KL: variants seen among roughly 807,000 people sequenced by gnomAD.
KL encodes the protein alpha-klotho.
KL carries 62 observed loss-of-function variants against 84.2 expected under a neutral mutation model. The ratio of observed to expected loss-of-function variants is 0.74; its 90% CI spans 0.60 to 0.91. The LOEUF (loss-of-function observed/expected upper bound fraction) is 0.91. Among genes scored for constraint, KL ranks in the 40% least tolerant of loss-of-function variants. The pLI is 0.00. For synonymous variants in KL, 528 were observed against 528.0 expected, an observed-to-expected ratio of 1.00 and a Z score of 0.00; for missense variants, 1,261 against 1,305.7, an observed-to-expected ratio of 0.97 and a Z score of 0.53.
intron 1 of KL, among the ~76,000 whole-genome samples, chr13:33,038,256 C>T (rs1413597698): frequency 6.6e-6 from 1 of 152,218 alleles, no homozygotes; most frequent in Non-Finnish European, 1.5e-5. Context: ...AAGCCACAAA[C>T]TATTAATCCT....
At chr13:33,046,090 T>C (rs1367779593) in intron 1 of KL, among the ~76,000 whole-genome samples, 1 of 152,226 alleles carries the variant, frequency 6.6e-6, no homozygotes, top group East Asian at 1.9e-4. Flanking sequence ...ATAAGGGATA[T>C]TGATCTGTAA....
chr13:33,058,945 T>C (rs1209057340), intron 3 of KL, among the ~76,000 whole-genome samples: 1 of 152,198 alleles, frequency 6.6e-6, no homozygotes, highest in Non-Finnish European at 1.5e-5. Flanking sequence ...GAAGTGCATG[T>C]GTGGGTGTTC....
chr13:33,051,099 A>AGAG (rs1180753914), intron 1 of KL, among the ~76,000 whole-genome samples: 6 of 152,318 alleles, frequency 3.9e-5, no homozygotes, highest in African/African-American at 1.4e-4. Flanking sequence ...GAGAGAAGGG[A>AGAG]TACGCATTCA....
intron 1 of KL, among the ~76,000 whole-genome samples, chr13:33,036,168 A>G (rs1344348567): frequency 1.3e-5 from 2 of 152,174 alleles, no homozygotes; most frequent in Non-Finnish European, 2.9e-5. Flanking sequence ...GGAACTCTAT[A>G]TTTGCATTTG....
intron 1 of KL, among the ~76,000 whole-genome samples, chr13:33,039,479 C>A (rs1032790982): frequency 6.6e-6 from 1 of 152,036 alleles, no homozygotes; most frequent in African/African-American, 2.4e-5. Context: ...GAGCCACCAA[C>A]TTAGGAAGAA....
At chr13:33,024,995 A>G (rs568951032) in intron 1 of KL, among the ~76,000 whole-genome samples, 65 of 152,134 alleles carry the variant, frequency 4.3e-4, no homozygotes, top group African/African-American at 1.5e-3. Context: ...CTCCTAACCT[A>G]GGGGGCCTTT....
chr13:33,061,924 G>T, intron 4 of KL, 144 bp downstream of exon 4: 2 of 828,268 alleles, frequency 2.4e-6, no homozygotes, highest in Non-Finnish European at 4.0e-6. Flanking sequence ...CAGTCCAAGA[G>T]ATATCTAGCA....
In KL at chr13:33,044,712, G is replaced by A. The variant is rs115550380; in HGVS notation, c.820-9055G>A. Among the ~76,000 whole-genome samples, 775 of 134,142 alleles carry A rather than the reference G, an allele frequency of 5.8e-3. 5 individuals carry two copies. Among genetic ancestry groups the A allele is most frequent in the African/African-American group, 0.02 (724 of 36,036 alleles). 88.0% of individuals were successfully genotyped at this position (134,142 alleles called of 152,430 possible). ...GTCACCCAGGCTGGAGTGCAGTGGC[G>A]TGATCAGCACTCACTGCAGACTTGA... On this transcript the variant is annotated intron_variant, in intron 1 of 4. Transcript: ENST00000380099.
intron 1 of KL, among the ~76,000 whole-genome samples, chr13:33,034,644 T>C (rs747290821): frequency 3.3e-5 from 5 of 152,244 alleles, no homozygotes; most frequent in Non-Finnish European, 5.9e-5. Context: ...ACATTCTTTA[T>C]AATTTACATT....
At chr13:33,043,800 C>T (rs912336890) in intron 1 of KL, among the ~76,000 whole-genome samples, 1 of 152,016 alleles carries the variant, frequency 6.6e-6, no homozygotes, top group African/African-American at 2.4e-5. Context: ...ATAAATTGGA[C>T]GACGTCAAAA....
chr13:33,057,464 G>C (rs1461553658), intron 3 of KL, among the ~76,000 whole-genome samples: 1 of 152,192 alleles, frequency 6.6e-6, no homozygotes, highest in Non-Finnish European at 1.5e-5. Flanking sequence ...GGAGATGGGA[G>C]ATAATTCCTT....
rs76381117 is a variant in KL, at chr13:33,060,582, T to A, written c.1600-97T>A. 839 of 1,339,716 alleles carry A rather than the reference T, an allele frequency of 6.3e-4. 6 individuals carry two copies. The African/African-American group carries it at 9.9e-3, about 16-fold the overall frequency. The allele number at this position is 1,339,716 out of a possible 1,614,324, so 83.0% of individuals were successfully genotyped here. A position where few individuals can be genotyped will look rare whatever the true frequency, so the allele number is the denominator to read the frequency against. ...TTCTCAGCTAGAAAGGCTTCTATTT[T>A]TGCTCATATTCCTGGCTAGTTTTGC... On this transcript the variant is annotated intron_variant, in intron 3 of 4. Transcript: ENST00000380099.
intron 1 of KL, among the ~76,000 whole-genome samples, chr13:33,042,449 C>G (rs1871371076): frequency 6.6e-6 from 1 of 152,136 alleles, no homozygotes; most frequent in Non-Finnish European, 1.5e-5. Context: ...GATTTTGGGA[C>G]TTTATGTAAA....
chr13:33,050,641 G>A (rs535724948), intron 1 of KL, among the ~76,000 whole-genome samples: 21 of 152,332 alleles, frequency 1.4e-4, no homozygotes, highest in Admixed American at 5.2e-4. Context: ...GGGGGTCCAT[G>A]GGGTTGCAGC....
intron 1 of KL, among the ~76,000 whole-genome samples, chr13:33,036,885 A>G (rs1300413292): frequency 6.6e-6 from 1 of 152,196 alleles, no homozygotes; most frequent in Non-Finnish European, 1.5e-5. Context: ...CTTATTGTCT[A>G]TTTCTCAAAA....
At chr13:33,040,266 G>A (rs1871290405) in intron 1 of KL, among the ~76,000 whole-genome samples, 1 of 152,182 alleles carries the variant, frequency 6.6e-6, no homozygotes, top group East Asian at 1.9e-4. Context: ...TTTGGTCTGC[G>A]AGCACAAACA....
At chr13:33,020,788 C>G (rs1433998372) in intron 1 of KL, among the ~76,000 whole-genome samples, 1 of 152,160 alleles carries the variant, frequency 6.6e-6, no homozygotes, top group Non-Finnish European at 1.5e-5. Flanking sequence ...TGGGAACAGC[C>G]TCACTGCTGG....
At chr13:33,044,640 CTTTTTTT>C (rs71071071) in intron 1 of KL, among the ~76,000 whole-genome samples, 4 of 52,766 alleles carry the variant, frequency 7.6e-5, no homozygotes, top group Admixed American at 3.3e-4. Flanking sequence ...AATTGATTTT[CTTTTTTT>C]TTTTTTTTTT....
chr13:33,055,475 C>G, intron 3 of KL, 160 bp downstream of exon 3: 1 of 798,202 alleles, frequency 1.3e-6, no homozygotes. Flanking sequence ...ATGCTGCACC[C>G]TTCTCTCCAA....
Sources: allele counts gnomAD v4.1 joint callset (sites outside exome capture counted in the v4.1 genomes callset), GRCh38; gene constraint gnomAD v4.1.1; transcripts MANE v1.5; gene names NCBI Gene and HGNC (gene_info 2026-07-23, HGNC 2026-07-21).